The following EYS variants were observed in gnomAD, a reference collection of about 807,000 sequenced individuals.
The protein encoded by EYS is protein eyes shut homolog.
A neutral mutation model predicts 282.1 loss-of-function variants in EYS; 250 were observed. That is an observed-to-expected ratio of 0.89 (90% CI 0.80 to 0.98). The LOEUF (loss-of-function observed/expected upper bound fraction) is 0.98. Ranked by LOEUF, EYS falls within the 50% of genes least tolerant of loss-of-function variation. EYS has a pLI of 0.00. For missense variants in EYS, 4,016 were observed against 3,709.0 expected, an observed-to-expected ratio of 1.08 and a Z score of -2.15; for synonymous variants, 1,355 against 1,282.9, an observed-to-expected ratio of 1.06 and a Z score of -1.20.
intron 8 of EYS, among the ~76,000 whole-genome samples, chr6:65,369,335 T>TATATA (rs1391659899): frequency 6.9e-6 from 1 of 144,450 alleles, no homozygotes; most frequent in African/African-American, 2.5e-5. Flanking sequence ...TATATTTATA[T>TATATA]ATATATATAT....
intron 2 of EYS, among the ~76,000 whole-genome samples, chr6:65,512,783 C>T (rs1488559146): frequency 6.6e-6 from 1 of 151,954 alleles, no homozygotes; most frequent in African/African-American, 2.4e-5. Flanking sequence ...GGGACACATT[C>T]AAAGCAGTGT....
chr6:64,434,480 G>A (rs1026258322), intron 28 of EYS, among the ~76,000 whole-genome samples: 3 of 152,052 alleles, frequency 2.0e-5, no homozygotes, highest in African/African-American at 7.2e-5. Context: ...TCTTCTGCTA[G>A]TATTTTTACT....
At chr6:63,932,450 T>C (rs1323471788) in intron 35 of EYS, among the ~76,000 whole-genome samples, 1 of 152,222 alleles carries the variant, frequency 6.6e-6, no homozygotes, top group Non-Finnish European at 1.5e-5. Flanking sequence ...TTCCTGGAAT[T>C]ATTCTAGCAT....
chr6:65,207,860 A>G (rs1478721204), intron 12 of EYS, among the ~76,000 whole-genome samples: 1 of 151,804 alleles, frequency 6.6e-6, no homozygotes, highest in Non-Finnish European at 1.5e-5. Flanking sequence ...CTAACAGTAT[A>G]TACAAATTAA....
chr6:63,982,941 C>T (rs6454563), intron 35 of EYS, among the ~76,000 whole-genome samples: 53,718 of 151,624 alleles, frequency 0.35, 9,608 homozygotes, highest in African/African-American at 0.39. Flanking sequence ...TTTCCCGTTT[C>T]TATTTCACTT....
chr6:64,969,259 C>T (rs1411213202), intron 14 of EYS, among the ~76,000 whole-genome samples: 1 of 152,006 alleles, frequency 6.6e-6, no homozygotes, highest in East Asian at 1.9e-4. Flanking sequence ...TGTGAATGGC[C>T]CATAGCATGC....
intron 12 of EYS, among the ~76,000 whole-genome samples, chr6:65,281,034 T>TTG: frequency 3.5e-5 from 1 of 28,864 alleles, no homozygotes; most frequent in East Asian, 2.1e-3. Flanking sequence ...AGATGCCATC[T>TTG]CAAAAAAAAA....
intron 28 of EYS, among the ~76,000 whole-genome samples, chr6:64,409,550 T>TA (rs1335775401): frequency 6.6e-6 from 1 of 152,188 alleles, no homozygotes; most frequent in Non-Finnish European, 1.5e-5. Flanking sequence ...AAGCAATTCT[T>TA]ACCAAGACAT....
chr6:64,811,740 G>A (rs1764601087), intron 22 of EYS, among the ~76,000 whole-genome samples: 1 of 152,064 alleles, frequency 6.6e-6, no homozygotes, highest in Non-Finnish European at 1.5e-5. Flanking sequence ...ATCCTATGGT[G>A]CAGCATGAAA....
At chr6:64,598,333 C>A (rs539746886) in intron 24 of EYS, among the ~76,000 whole-genome samples, 5 of 152,096 alleles carry the variant, frequency 3.3e-5, no homozygotes, top group Middle Eastern at 3.2e-3. Context: ...TGGTGGCGGG[C>A]GTCTGTAGTC....
At chr6:65,562,461 G>C (rs1335160347) in intron 2 of EYS, among the ~76,000 whole-genome samples, 2 of 151,886 alleles carry the variant, frequency 1.3e-5, no homozygotes, top group African/African-American at 4.8e-5. Flanking sequence ...AAGAATGAAA[G>C]GACAGAATGG....
intron 36 of EYS, among the ~76,000 whole-genome samples, chr6:63,855,744 A>C (rs554210033): frequency 6.6e-6 from 1 of 152,320 alleles, no homozygotes; most frequent in South Asian, 2.1e-4. Context: ...TAGTTTAAAG[A>C]GTGTTCTGAT....
In EYS at chr6:64,610,631, T is replaced by G. The variant is rs999771698; in HGVS notation, c.3684+6787A>C. ...GTTGGCCAGGCTGATCTCAAACTTC[T>G]GACCTCAAGTGATCCACCAGCCTTG... On this transcript the variant is annotated intron_variant, in intron 24 of 42. Transcript: ENST00000503581. Among the ~76,000 whole-genome samples, 34 of 152,208 alleles carry G rather than the reference T, an allele frequency of 2.2e-4. 1 individual carries two copies. The highest frequency in any genetic ancestry group is 1.4e-3 in the Admixed American group (21 of 15,280).
At chr6:64,658,253 G>A (rs1305243574) in intron 22 of EYS, among the ~76,000 whole-genome samples, 4 of 152,010 alleles carry the variant, frequency 2.6e-5, no homozygotes, top group South Asian at 2.1e-4. Context: ...TTATCCGTTC[G>A]TCTAATTTTT....
intron 26 of EYS, among the ~76,000 whole-genome samples, chr6:64,521,324 G>A (rs542787765): frequency 4.6e-5 from 7 of 151,880 alleles, no homozygotes; most frequent in African/African-American, 1.7e-4. Flanking sequence ...AAGTGATGGA[G>A]AAGTGAAAGT....
chr6:65,038,300 A>AT (rs992477980), intron 13 of EYS, among the ~76,000 whole-genome samples: 1 of 151,412 alleles, frequency 6.6e-6, no homozygotes, highest in Non-Finnish European at 1.5e-5. Context: ...TGGGGTAACA[A>AT]TTTTTTTAAT....
intron 12 of EYS, among the ~76,000 whole-genome samples, chr6:65,250,057 G>A (rs973417759): frequency 6.6e-6 from 1 of 151,958 alleles, no homozygotes; most frequent in African/African-American, 2.4e-5. Context: ...TATTAGAGAA[G>A]CAAGGCTCAA....
intron 36 of EYS, among the ~76,000 whole-genome samples, chr6:63,814,160 G>A (rs1771119807): frequency 6.6e-6 from 1 of 152,128 alleles, no homozygotes; most frequent in East Asian, 1.9e-4. Flanking sequence ...ACTCCTTGAG[G>A]AATACACTTT....
intron 29 of EYS, among the ~76,000 whole-genome samples, chr6:64,384,511 AATTG>A (rs1446317760): frequency 1.3e-5 from 2 of 152,158 alleles, no homozygotes; most frequent in Non-Finnish European, 2.9e-5. Context: ...AAACAAATCT[AATTG>A]ATTAACAATA....
Sources: allele counts gnomAD v4.1 joint callset (sites outside exome capture counted in the v4.1 genomes callset), GRCh38; gene constraint gnomAD v4.1.1; transcripts MANE v1.5; gene names NCBI Gene and HGNC (gene_info 2026-07-23, HGNC 2026-07-21).